GAPVD1: variants seen among roughly 807,000 people sequenced by gnomAD.
The protein encoded by GAPVD1 is GTPase activating protein and VPS9 domains 1.
Under a neutral mutation model 155.5 loss-of-function variants are expected in GAPVD1, and 35 were observed. The ratio of observed to expected loss-of-function variants is 0.23; its 90% confidence interval spans 0.17 to 0.30. GAPVD1 has a LOEUF of 0.30. Among genes scored for constraint, GAPVD1 ranks in the 10% least tolerant of loss-of-function variants. The pLI is 1.00. For synonymous variants in GAPVD1, 636 were observed against 619.7 expected (o/e 1.03, Z -0.39); for missense variants, 1,429 against 1,775.7 (o/e 0.80, Z 3.51).
intron 20 of GAPVD1, among the ~76,000 whole-genome samples, chr9:125,348,576 A>C (rs930503338): frequency 1.7e-4 from 26 of 151,998 alleles, no homozygotes; most frequent in Admixed American, 1.2e-3. Context: ...ACAGTGGTGC[A>C]ATCTTGGCTC....
At chr9:125,274,740 G>A (rs1169305737) in intron 2 of GAPVD1, among the ~76,000 whole-genome samples, 1 of 152,160 alleles carries the variant, frequency 6.6e-6, no homozygotes, top group African/African-American at 2.4e-5. Context: ...GGGATTATAG[G>A]CGTGAGCCAC....
chr9:125,275,111 T>G (rs1213739542), intron 2 of GAPVD1, among the ~76,000 whole-genome samples: 1 of 152,198 alleles, frequency 6.6e-6, no homozygotes, highest in Admixed American at 6.5e-5. Context: ...TGAGACATCT[T>G]GTCACCCAGG....
At chr9:125,332,143 G>T in intron 14 of GAPVD1, 83 bp downstream of exon 14, 2 of 1,290,954 alleles carry the variant, frequency 1.5e-6, no homozygotes, top group Non-Finnish European at 1.1e-6. Context: ...GATACAAAAA[G>T]ATATGTTATA....
Position 125,321,453 on chromosome 9 carries a change from G to A in GAPVD1, c.1623G>A (p.Ser541=), listed in dbSNP as rs145184318. The A allele has an allele frequency of 1.3e-5, 21 of 1,612,266 alleles. No individual in the cohort carries two copies. Among genetic ancestry groups the A allele is most frequent in the South Asian group, 3.3e-5 (3 of 90,992 alleles). The part of the protein sequence containing the change: ...SENEVLNMQL[S]DGGQGDVPVD... ...TTTAGGTCCTAAACATGCAGCTTTC[G>A]GATGGAGGACAAGGAGATGTCCCTG... Residue 541 remains serine, a synonymous_variant, in exon 10 of 28, where the codon TCG becomes TCA. Transcript: ENST00000297933.
chr9:125,312,704 C>T (rs929592850), intron 9 of GAPVD1, 92 bp downstream of exon 9: 1 of 851,018 alleles, frequency 1.2e-6, no homozygotes, highest in African/African-American at 1.7e-5. Flanking sequence ...GGCTTATAAA[C>T]AACAGATATT....
At chr9:125,264,655 C>G (rs890872148) in intron 1 of GAPVD1, among the ~76,000 whole-genome samples, 3 of 151,794 alleles carry the variant, frequency 2.0e-5, no homozygotes, top group African/African-American at 7.3e-5. Context: ...TCTGTAAGCT[C>G]TAATGTAAGC....
rs539311570 is a variant in GAPVD1, at chr9:125,307,776, C to T, written c.1337C>T (p.Pro446Leu). Residue 446 changes from proline (P) to leucine (L), a missense_variant, in exon 8 of 28, where the codon CCG becomes CTG. Around this residue, in one of 4 missense-constraint regions of GAPVD1, gnomAD observed 628 missense variants for 733.4 expected, o/e 0.86. Transcript: ENST00000297933. Reference protein sequence around the residue: ...ALDNLLANLPPAKPGKSSSLE... With the variant: ...ALDNLLANLPLAKPGKSSSLE... ...GACAATTTATTGGCAAACCTACCCC[C>T]GGCCAAGCCAGGAAAAAGTAGCAGT... is the stretch of plus-strand genomic sequence containing the variant. 1.7e-4 allele frequency: 271 copies of T among 1,613,140 alleles called. No homozygotes were observed. The highest frequency in any genetic ancestry group is 2.2e-4 in the Non-Finnish European group (254 of 1,179,248).
intron 9 of GAPVD1, among the ~76,000 whole-genome samples, chr9:125,315,220 C>G (rs1238212150): frequency 6.6e-6 from 1 of 152,092 alleles, no homozygotes; most frequent in Non-Finnish European, 1.5e-5. Context: ...ACATGATACC[C>G]CATAGGGAAG....
intron 1 of GAPVD1, chr9:125,263,747 C>G: frequency 2.3e-6 from 2 of 879,560 alleles, no homozygotes; most frequent in East Asian, 2.4e-5. Context: ...TCAGCTTCCC[C>G]TCTTGTGAGT....
At chr9:125,319,555 C>T (rs1316761445) in intron 9 of GAPVD1, among the ~76,000 whole-genome samples, 5 of 147,528 alleles carry the variant, frequency 3.4e-5, no homozygotes, top group South Asian at 2.2e-4. Flanking sequence ...TGTGCCACGA[C>T]GCCTGGCCTA....
At chr9:125,284,076 A>G (rs1837231311) in intron 2 of GAPVD1, among the ~76,000 whole-genome samples, 1 of 150,764 alleles carries the variant, frequency 6.6e-6, no homozygotes, top group Non-Finnish European at 1.5e-5. Context: ...GGGTTTTGCC[A>G]TGTTGGCCAG....
chr9:125,279,907 C>T (rs568889025), intron 2 of GAPVD1, among the ~76,000 whole-genome samples: 2 of 150,988 alleles, frequency 1.3e-5, no homozygotes, highest in East Asian at 2.0e-4. Flanking sequence ...ATTACAGGTA[C>T]GCACCACCAT....
At chr9:125,350,174 T>G (rs1162902890) in intron 21 of GAPVD1, 121 bp from the exon 22 acceptor site, 7 of 646,102 alleles carry the variant, frequency 1.1e-5, no homozygotes, top group Non-Finnish European at 1.6e-5. Flanking sequence ...TTAAGAATCA[T>G]CTTCTTTAAA....
intron 2 of GAPVD1, among the ~76,000 whole-genome samples, chr9:125,277,923 C>T (rs1029590988): frequency 6.6e-6 from 1 of 152,090 alleles, no homozygotes; most frequent in African/African-American, 2.4e-5. Context: ...CTGCCTCAGC[C>T]TCCCGAAGTG....
intron 6 of GAPVD1, among the ~76,000 whole-genome samples, chr9:125,305,836 T>C (rs1841707163): frequency 1.3e-5 from 2 of 151,980 alleles, no homozygotes; most frequent in African/African-American, 2.4e-5. Context: ...TTTATTGTTA[T>C]AGAGACGAGG....
intron 4 of GAPVD1, among the ~76,000 whole-genome samples, chr9:125,299,730 T>C (rs1840463607): frequency 6.7e-6 from 1 of 148,560 alleles, no homozygotes; most frequent in Admixed American, 6.8e-5. Context: ...ATTTAATATA[T>C]AGGTTTCCAG....
At chr9:125,264,352 G>A (rs932742934) in intron 1 of GAPVD1, among the ~76,000 whole-genome samples, 11 of 152,038 alleles carry the variant, frequency 7.2e-5, no homozygotes, top group Non-Finnish European at 1.5e-4. Flanking sequence ...CAGCCACCAC[G>A]CCTGGATAAT....
At chr9:125,304,408 T>A (rs144682090) in intron 5 of GAPVD1, among the ~76,000 whole-genome samples, 185 of 152,288 alleles carry the variant, frequency 1.2e-3, no homozygotes, top group African/African-American at 4.1e-3. Context: ...TATTTGTAGT[T>A]TTTTTTGTTT....
chr9:125,263,469 A>ATAG, intron 1 of GAPVD1: 1 of 651,768 alleles, frequency 1.5e-6, no homozygotes, highest in Non-Finnish European at 2.7e-6. Flanking sequence ...CAAAACAAAA[A>ATAG]AACTCCTGAA....
Sources: gnomAD v4.1 joint callset for allele counts (sites outside exome capture counted in the v4.1 genomes callset) on GRCh38, gnomAD v4.1.1 for gene constraint, gnomAD v4.1.1 regional missense constraint, MANE v1.5 for transcripts, NCBI Gene and HGNC (gene_info 2026-07-23, HGNC 2026-07-21) for gene names.